Variants in CDC14A observed in about 807,000 individuals in gnomAD.
CDC14A encodes the protein cell division cycle 14A.
In CDC14A, 53 loss-of-function variants were observed where a neutral mutation model predicts 74.4. The ratio of observed to expected loss-of-function variants is 0.71; its 90% CI spans 0.57 to 0.89. CDC14A has a LOEUF of 0.89. Ranked by LOEUF, CDC14A falls within the 40% of genes least tolerant of loss-of-function variation. CDC14A has a pLI of 0.00. For missense variants in CDC14A, 646 were observed against 713.7 expected (o/e 0.91, Z 1.08); for synonymous variants, 247 against 258.4 (o/e 0.96, Z 0.43).
chr1:100,467,662 A>T (rs1667985124), intron 9 of CDC14A, among the ~76,000 whole-genome samples: 1 of 151,522 alleles, frequency 6.6e-6, no homozygotes, highest in South Asian at 2.1e-4. Context: ...CTTCCATCTC[A>T]TCTCTCTTGC....
chr1:100,426,318 T>G (rs6668277), intron 5 of CDC14A, among the ~76,000 whole-genome samples: 3,005 of 152,124 alleles, frequency 0.02, 110 homozygotes, highest in African/African-American at 0.069. Flanking sequence ...TTGCCATGTC[T>G]GCCAAGCTGC....
chr1:100,354,674 A>C (rs1019169121), intron 2 of CDC14A, among the ~76,000 whole-genome samples: 1 of 152,246 alleles, frequency 6.6e-6, no homozygotes, highest in Admixed American at 6.5e-5. Flanking sequence ...TGACTTGGTT[A>C]TGTACTTTTA....
At chr1:100,349,408 AT>A (rs1241982629), upstream of CDC14A, among the ~76,000 whole-genome samples, 1 of 152,134 alleles carries the variant, frequency 6.6e-6, no homozygotes, top group Non-Finnish European at 1.5e-5. Context: ...TTCTTCCATT[AT>A]CTTCCCTTGT....
Position 100,353,779 on chromosome 1 carries a change from A to C in CDC14A, c.67A>C (p.Thr23Pro). Residue 23 changes from threonine (T) to proline (P), a missense_variant, in exon 2 of 16, where the codon ACT becomes CCT. Thr to Pro is a conservative substitution (Grantham distance 38, BLOSUM62 -1). Transcript: ENST00000336454. ...EFMKDRLYFA[T>P]LRNRPKSTVN... is the part of the protein sequence containing the mutation. Reference sequence around the variant, plus strand: ...TCTTTCAGATCGGTTATATTTTGCTACTTTAAGGAATAGACCAAAAAGCAC... The same window carrying C: ...TCTTTCAGATCGGTTATATTTTGCTCCTTTAAGGAATAGACCAAAAAGCAC... The C allele has an allele frequency of 6.3e-7, 1 of 1,597,320 alleles. No homozygotes were observed. The highest frequency in any genetic ancestry group is 8.6e-7 in the Non-Finnish European group (1 of 1,166,576).
chr1:100,489,869 C>T (rs1670443957), intron 11 of CDC14A, among the ~76,000 whole-genome samples: 1 of 152,124 alleles, frequency 6.6e-6, no homozygotes, highest in African/African-American at 2.4e-5. Flanking sequence ...TCTGCCTCTC[C>T]TGGACTAGCT....
intron 10 of CDC14A, among the ~76,000 whole-genome samples, chr1:100,470,387 G>A (rs150446874): frequency 6.6e-6 from 1 of 151,610 alleles, no homozygotes; most frequent in Non-Finnish European, 1.5e-5. Context: ...AACAAAACAA[G>A]GGTGTCTACT....
rs760951536 is a variant in CDC14A, at chr1:100,462,823, G to A, written c.780G>A (p.Val260=). The change falls in exon 9 of 16, where the codon GTG becomes GTA. Residue 260 remains valine (V), a synonymous_variant. Coordinates refer to ENST00000336454, the MANE Select transcript of CDC14A (RefSeq NM_003672.4). ...IDGSTPSDNI[V]RRFLNICENT... Reference sequence around the variant, plus strand: ...GCAGCACACCCAGTGACAACATCGTGCGAAGGTTCCTGAACATCTGTGAGA... The same window carrying A: ...GCAGCACACCCAGTGACAACATCGTACGAAGGTTCCTGAACATCTGTGAGA... 5.6e-6 allele frequency: 9 copies of A among 1,614,092 alleles called. No individual in the cohort carries two copies. The highest frequency in any genetic ancestry group is 1.1e-5 in the South Asian group (1 of 91,072).
At chr1:100,482,097 G>A (rs1007748324) in intron 10 of CDC14A, among the ~76,000 whole-genome samples, 8 of 152,174 alleles carry the variant, frequency 5.3e-5, no homozygotes, top group South Asian at 4.1e-4. Flanking sequence ...GACAGATTGC[G>A]TCTTTCAAAC....
At chr1:100,359,384 C>T (rs1037835265) in intron 2 of CDC14A, among the ~76,000 whole-genome samples, 3 of 152,184 alleles carry the variant, frequency 2.0e-5, no homozygotes, top group African/African-American at 4.8e-5. Context: ...AGGCAGTCCA[C>T]CCTGGAGTCC....
chr1:100,408,782 A>G (rs1370984665), intron 4 of CDC14A, among the ~76,000 whole-genome samples: 2 of 152,144 alleles, frequency 1.3e-5, no homozygotes, highest in African/African-American at 2.4e-5. Flanking sequence ...TGTGATATAT[A>G]GTGATCAGAA....
chr1:100,366,584 T>TG (rs1241677930), intron 2 of CDC14A, among the ~76,000 whole-genome samples: 4 of 152,200 alleles, frequency 2.6e-5, no homozygotes, highest in African/African-American at 4.8e-5. Flanking sequence ...TTCAAATTTG[T>TG]AGGACCTGCA....
Position 100,389,180 on chromosome 1 carries a change from CAAAA to C in CDC14A, c.217-1533_217-1530del, listed in dbSNP as rs1196346245. On this transcript the variant is annotated intron_variant, in intron 3 of 15. Transcript: ENST00000336454. ...TGGGTGACAGAGCAAGACCCTGTCT[CAAAA>C]AAAAAAAAAAAAAAAAAAGGTAAAA... Among the ~76,000 whole-genome samples, 9 of 52,244 alleles carry C rather than the reference CAAAA, an allele frequency of 1.7e-4. No individual in the cohort carries two copies. In the East Asian group the frequency reaches 3.5e-3, roughly 20 times the overall value. 34.3% of individuals were successfully genotyped at this position (52,244 alleles called of 152,430 possible).
At chr1:100,474,953 C>T (rs909141553) in intron 10 of CDC14A, among the ~76,000 whole-genome samples, 3 of 152,164 alleles carry the variant, frequency 2.0e-5, no homozygotes, top group Non-Finnish European at 4.4e-5. Flanking sequence ...TATGTCTTGT[C>T]AAATTTGGAA....
chr1:100,468,016 C>T lies in CDC14A; in HGVS notation c.899C>T (p.Thr300Ile), dbSNP rs768802007. 1 of 1,612,812 alleles carries T rather than the reference C, an allele frequency of 6.2e-7. No homozygotes were observed. Among genetic ancestry groups the T allele is most frequent in the East Asian group, 2.2e-5 (1 of 44,832 alleles). ...ACYVMKHYRF[T>I]HAEIIAWIRI... ...TATGTAATGAAACACTACAGGTTTA[C>T]ACATGCTGAAATAATTGCTTGGATT... The change falls in exon 10 of 16, where the codon ACA becomes ATA. Residue 300 changes from threonine (T) to isoleucine (I), a missense_variant. Thr to Ile is a moderately conservative substitution (Grantham distance 89). Transcript: ENST00000336454.
chr1:100,492,840 CTG>C lies in CDC14A; in HGVS notation c.1138-1956_1138-1955del, dbSNP rs3081872. 7.5e-3 allele frequency among the ~76,000 whole-genome samples: 1,130 copies of C among 149,858 alleles called. 14 individuals carry two copies. Among genetic ancestry groups the C allele is most frequent in the African/African-American group, 0.024 (999 of 40,814 alleles). Reference sequence around the variant, plus strand: ...CTTGGACTGGTTGTTCTTAGCCCTGCTGTGTGTGTGTGTGTGTGTGTGTATGT... The same window carrying C: ...CTTGGACTGGTTGTTCTTAGCCCTGCTGTGTGTGTGTGTGTGTGTGTATGT... On this transcript the variant is annotated intron_variant, in intron 11 of 15. Transcript: ENST00000336454.
At chr1:100,432,868 A>T (rs1029938098) in intron 5 of CDC14A, among the ~76,000 whole-genome samples, 1 of 152,060 alleles carries the variant, frequency 6.6e-6, no homozygotes, top group Non-Finnish European at 1.5e-5. Context: ...ATAATTAAAG[A>T]TTGTTCTATA....
At chr1:100,356,448 G>C (rs1184015808) in intron 2 of CDC14A, among the ~76,000 whole-genome samples, 1 of 151,932 alleles carries the variant, frequency 6.6e-6, no homozygotes, top group Non-Finnish European at 1.5e-5. Flanking sequence ...AAGTAGCAGA[G>C]CTGGAGTTTG....
chr1:100,401,836 C>T (rs112842520), intron 4 of CDC14A, among the ~76,000 whole-genome samples: 220 of 151,898 alleles, frequency 1.4e-3, no homozygotes, highest in African/African-American at 5.1e-3. Flanking sequence ...GTCGGGAGTT[C>T]GAGACCAGCC....
At chr1:100,393,257 C>T in intron 4 of CDC14A, 1 of 1,445,116 alleles carries the variant, frequency 6.9e-7, no homozygotes. Flanking sequence ...GAAGTTCTTT[C>T]TGTGCATGTT....
Sources: gnomAD v4.1 joint callset for allele counts (sites outside exome capture counted in the v4.1 genomes callset) on GRCh38, gnomAD v4.1.1 for gene constraint, MANE v1.5 for transcripts, NCBI Gene and HGNC (gene_info 2026-07-23, HGNC 2026-07-21) for gene names.